Variants in ZER1 observed in about 807,000 individuals in gnomAD.
The protein encoded by ZER1 is protein zer-1 homolog.
ZER1 carries 11 observed loss-of-function variants against 78.8 expected under a neutral mutation model. The observed-to-expected ratio is 0.14, with a 90% confidence interval of 0.09 to 0.23. The LOEUF (loss-of-function observed/expected upper bound fraction) is 0.23. ZER1 is among the 10% of genes least tolerant of loss of function. The probability of loss-of-function intolerance (pLI) is 1.00; values close to 1 mark genes in which losing one functional copy is unlikely to be tolerated. For synonymous variants in ZER1, 400 were observed against 407.0 expected, an observed-to-expected ratio of 0.98 and a Z score of 0.21; for missense variants, 588 against 996.9, an observed-to-expected ratio of 0.59 and a Z score of 5.52.
upstream of ZER1, chr9:128,772,266 T>G (rs1589555736): frequency 2.0e-5 from 3 of 152,570 alleles, no homozygotes; most frequent in Admixed American, 2.0e-4. Context: ...CAGCGCCCTG[T>G]TGAACATGTC....
intron 1 of ZER1, among the ~76,000 whole-genome samples, chr9:128,760,052 T>A (rs886441338): frequency 6.6e-6 from 1 of 151,826 alleles, no homozygotes; most frequent in Non-Finnish European, 1.5e-5. Flanking sequence ...GTAAATTTTT[T>A]AATTTTTAGT....
chr9:128,769,009 G>C (rs1445965393), intron 1 of ZER1, among the ~76,000 whole-genome samples: 2 of 151,806 alleles, frequency 1.3e-5, no homozygotes, highest in Admixed American at 1.3e-4. Flanking sequence ...CAAACTCCTG[G>C]CCTCAAGCGA....
At chr9:128,759,358 G>A (rs1362223506) in intron 1 of ZER1, among the ~76,000 whole-genome samples, 18 of 140,446 alleles carry the variant, frequency 1.3e-4, no homozygotes, top group Non-Finnish European at 1.1e-4. Context: ...TTTTTTTTTG[G>A]TAGAGATGGG....
chr9:128,733,867 C>T (rs1444523258), intron 14 of ZER1, among the ~76,000 whole-genome samples: 1 of 142,946 alleles, frequency 7.0e-6, no homozygotes, highest in East Asian at 2.1e-4. Context: ...CGGTGGCTCA[C>T]GCCTGTAATC....
chr9:128,760,250 T>TGGAGTGC (rs1184617285), intron 1 of ZER1, among the ~76,000 whole-genome samples: 9 of 152,164 alleles, frequency 5.9e-5, no homozygotes, highest in Non-Finnish European at 1.0e-4. Flanking sequence ...TCACCCAGGC[T>TGGAGTGC]GGAGTGCAGT....
At chr9:128,733,612 A>G in intron 14 of ZER1, 84 bp from the exon 15 acceptor site, 1 of 1,263,292 alleles carries the variant, frequency 7.9e-7, no homozygotes, top group Non-Finnish European at 1.1e-6. Context: ...GTCTGTGAGG[A>G]CTATCCTGGT....
At position 128,754,522 on chromosome 9, in the gene ZER1, T is replaced by C. The variant is rs1863794160; in HGVS notation, c.159-563A>G. Among the ~76,000 whole-genome samples, 1 of 152,172 alleles carries C rather than the reference T, an allele frequency of 6.6e-6. No individual in the cohort carries two copies. The highest frequency in any genetic ancestry group is 1.5e-5 in the Non-Finnish European group (1 of 68,028). On this transcript the variant is annotated intron_variant, in intron 2 of 15. Coordinates refer to ENST00000291900, the MANE Select transcript of ZER1 (RefSeq NM_006336.4). This position sits in a 1 kb window ranked among gnomAD's most constrained non-coding sequence, Gnocchi z 4.3. ...ATGAACTTTCCCAGACCTCAGTTTC[T>C]TCATCTGTAAAGTGGATATAACTAT...
At chr9:128,739,285 G>A (rs1055261073) in intron 13 of ZER1, among the ~76,000 whole-genome samples, 5 of 151,772 alleles carry the variant, frequency 3.3e-5, no homozygotes, top group Middle Eastern at 3.4e-3. Context: ...GGCGGATCAC[G>A]AGGTCAGGAG....
chr9:128,756,504 T>G (rs1863863855), intron 1 of ZER1, among the ~76,000 whole-genome samples: 1 of 152,222 alleles, frequency 6.6e-6, no homozygotes, highest in African/African-American at 2.4e-5. Context: ...AACCCAAATG[T>G]CCTTCAACTG....
chr9:128,734,824 T>C (rs1382999527), intron 14 of ZER1, among the ~76,000 whole-genome samples: 1 of 152,006 alleles, frequency 6.6e-6, no homozygotes, highest in East Asian at 1.9e-4. Flanking sequence ...ACCTGCCAGG[T>C]TGGAACCAGC....
intron 8 of ZER1, among the ~76,000 whole-genome samples, chr9:128,744,152 C>A (rs575559417): frequency 6.6e-6 from 1 of 152,062 alleles, no homozygotes; most frequent in African/African-American, 2.4e-5. Context: ...CCACCTCGGC[C>A]TCCCAAAGTG....
chr9:128,760,754 C>G (rs1267632621), intron 1 of ZER1, among the ~76,000 whole-genome samples: 4 of 151,400 alleles, frequency 2.6e-5, no homozygotes, highest in Non-Finnish European at 5.9e-5. Context: ...GATTGCGCCA[C>G]TGCACTCCAG....
At chr9:128,741,090 C>T (rs1863275219) in intron 11 of ZER1, among the ~76,000 whole-genome samples, 1 of 152,136 alleles carries the variant, frequency 6.6e-6, no homozygotes, top group South Asian at 2.1e-4. Context: ...GATTGCTTGC[C>T]ACAAAGACAA....
At chr9:128,741,893 C>T in intron 9 of ZER1, 52 bp from the exon 10 acceptor site, 1 of 1,612,510 alleles carries the variant, frequency 6.2e-7, no homozygotes, top group Admixed American at 1.7e-5. Flanking sequence ...AGAACTCCCA[C>T]CCCCACGAAC....
chr9:128,751,236 C>G lies in ZER1; in HGVS notation c.1071G>C (p.Leu357=). Reference sequence around the variant, plus strand: ...GCTCCGTGTAGGCCTCGATGGCATTCAGCACCTGCTCTTCGTTTTTGTCAC... The same window carrying G: ...GCTCCGTGTAGGCCTCGATGGCATTGAGCACCTGCTCTTCGTTTTTGTCAC... ...VSGDKNEEQV[L]NAIEAYTEHR... Residue 357 remains leucine (L), a synonymous_variant, in exon 7 of 16, where the codon CTG becomes CTC. Transcript: ENST00000291900. This position sits in a 1 kb window ranked among gnomAD's most constrained non-coding sequence, Gnocchi z 5.4. 6.2e-7 allele frequency: 1 copy of G among 1,602,558 alleles called. No individual in the cohort carries two copies. The highest frequency in any genetic ancestry group is 8.5e-7 in the Non-Finnish European group (1 of 1,170,510).
At position 128,755,464 on chromosome 9, in the gene ZER1, C is replaced by T. The variant is rs932740897; in HGVS notation, c.102G>A (p.Leu34=). 1.9e-6 allele frequency: 3 copies of T among 1,613,928 alleles called. No individual in the cohort carries two copies. The highest frequency in any genetic ancestry group is 3.3e-5 in the Admixed American group (2 of 59,950). ...TLGYLLDKET[L]RLHPDIFLPS... Reference sequence around the variant, plus strand: ...GCAAGAAGATGTCCGGATGTAGCCGCAGGGTCTCCTTGTCCAGCAGGTAGC... The same window carrying T: ...GCAAGAAGATGTCCGGATGTAGCCGTAGGGTCTCCTTGTCCAGCAGGTAGC... Residue 34 remains leucine, a synonymous_variant, in exon 2 of 16, where the codon CTG becomes CTA. Transcript: ENST00000291900. This position sits in a 1 kb window ranked among gnomAD's most constrained non-coding sequence, Gnocchi z 5.6.
At chr9:128,733,280 T>C in intron 15 of ZER1, 146 bp downstream of exon 15, 1 of 593,126 alleles carries the variant, frequency 1.7e-6, no homozygotes, top group Admixed American at 2.7e-5. Context: ...AGGCCCCAGG[T>C]GGACATCAAT....
intron 14 of ZER1, among the ~76,000 whole-genome samples, chr9:128,733,780 CT>C (rs1034865303): frequency 1.2e-4 from 17 of 142,562 alleles, no homozygotes; most frequent in Non-Finnish European, 1.8e-4. Flanking sequence ...AGAGCTCATT[CT>C]TTTTTTTAAA....
intron 1 of ZER1, among the ~76,000 whole-genome samples, chr9:128,761,174 GGA>G (rs1032442358): frequency 1.3e-5 from 2 of 151,050 alleles, no homozygotes; most frequent in African/African-American, 4.9e-5. Context: ...AAAAAAAAAG[GGA>G]GGGGGGGATA....
Sources: gnomAD v4.1 joint callset for allele counts (sites outside exome capture counted in the v4.1 genomes callset) on GRCh38, gnomAD v4.1.1 for gene constraint, Gnocchi (gnomAD v3.1) non-coding constraint, MANE v1.5 for transcripts, NCBI Gene and HGNC (gene_info 2026-07-23, HGNC 2026-07-21) for gene names.